RTN4RL1: variants seen among roughly 807,000 people sequenced by gnomAD.
The protein encoded by RTN4RL1 is reticulon 4 receptor like 1, also known as reticulon-4 receptor-like 1.
A neutral mutation model predicts 25.6 loss-of-function variants in RTN4RL1; 7 were observed. That is an observed-to-expected ratio of 0.27 (90% confidence interval 0.16 to 0.51). The LOEUF (loss-of-function observed/expected upper bound fraction) is 0.51, where lower values mean the gene tolerates loss of function less well. Ranked by LOEUF, RTN4RL1 falls within the 20% of genes least tolerant of loss-of-function variation. The pLI, the probability that RTN4RL1 is intolerant of heterozygous loss-of-function variation, is 0.97. For missense variants in RTN4RL1, 500 were observed against 615.6 expected, an observed-to-expected ratio of 0.81 and a Z score of 1.99; for synonymous variants, 297 against 288.2, an observed-to-expected ratio of 1.03 and a Z score of -0.31.
In RTN4RL1 at chr17:1,964,216, A is replaced by G. The variant is rs113770578; in HGVS notation, c.14-26408T>C. Among the ~76,000 whole-genome samples, 388 of 152,322 alleles carry G rather than the reference A, an allele frequency of 2.5e-3. 3 individuals carry two copies. The highest frequency in any genetic ancestry group is 8.8e-3 in the African/African-American group (365 of 41,568). On this transcript the variant is annotated intron_variant, in intron 1 of 1. Coordinates refer to ENST00000331238, the MANE Select transcript of RTN4RL1 (RefSeq NM_178568.4). ...AAAGACTTAGTAAGAAAAAGAATAA[A>G]AATACCTCATGAATAATTTTATATT...
intron 1 of RTN4RL1, among the ~76,000 whole-genome samples, chr17:1,966,143 G>A (rs1025232821): frequency 6.6e-6 from 1 of 152,160 alleles, no homozygotes; most frequent in Admixed American, 6.5e-5. Flanking sequence ...GGAGACAGAT[G>A]GAATTTTCCC....
At chr17:2,023,152 C>T (rs912727041) in intron 1 of RTN4RL1, among the ~76,000 whole-genome samples, 1 of 152,222 alleles carries the variant, frequency 6.6e-6, no homozygotes, top group African/African-American at 2.4e-5. Context: ...AGACCTGCAG[C>T]CCAGACATGG....
intron 1 of RTN4RL1, among the ~76,000 whole-genome samples, chr17:1,952,731 G>T (rs1915710149): frequency 6.6e-6 from 1 of 151,852 alleles, no homozygotes; most frequent in African/African-American, 2.4e-5. Flanking sequence ...AGGCAACCAT[G>T]TGCTCCTCTA....
At chr17:2,000,070 G>C (rs1422329173) in intron 1 of RTN4RL1, among the ~76,000 whole-genome samples, 1 of 152,282 alleles carries the variant, frequency 6.6e-6, no homozygotes, top group Non-Finnish European at 1.5e-5. Context: ...CACAGAGGGA[G>C]GGAAGCCTGC....
chr17:1,969,713 C>T (rs1394302912), intron 1 of RTN4RL1, among the ~76,000 whole-genome samples: 4 of 152,318 alleles, frequency 2.6e-5, no homozygotes, highest in African/African-American at 9.6e-5. Context: ...TAGCCTTTAC[C>T]GGTTCTCATT....
chr17:1,998,071 G>A lies in RTN4RL1; in HGVS notation c.13+26782C>T, dbSNP rs1024629100. ...TCCGCCCCAGGCCGCGATCGATCCC[G>A]GCCTCTCCCGGCCTCATTACCGAGG... On this transcript the variant is annotated intron_variant, in intron 1 of 1. Coordinates refer to ENST00000331238, the MANE Select transcript of RTN4RL1 (RefSeq NM_178568.4). The surrounding 1 kb of genome is among the most constrained non-coding windows in gnomAD (Gnocchi z 4.9). Among the ~76,000 whole-genome samples, 3 of 151,766 alleles carry A rather than the reference G, an allele frequency of 2.0e-5. No homozygotes were observed. The highest frequency in any genetic ancestry group is 4.8e-5 in the African/African-American group (2 of 41,348).
chr17:1,941,890 G>A (rs896257242), intron 1 of RTN4RL1, among the ~76,000 whole-genome samples: 3 of 152,196 alleles, frequency 2.0e-5, no homozygotes, highest in South Asian at 2.1e-4. Flanking sequence ...GGAGGCTGGC[G>A]CAGCTTTGCC....
At chr17:1,968,490 C>T (rs546930223) in intron 1 of RTN4RL1, among the ~76,000 whole-genome samples, 8 of 152,322 alleles carry the variant, frequency 5.3e-5, no homozygotes, top group African/African-American at 1.4e-4. Flanking sequence ...AACTCAGCTC[C>T]GATGGTGTCA....
chr17:1,991,401 T>A, intron 1 of RTN4RL1, among the ~76,000 whole-genome samples: 1 of 107,048 alleles, frequency 9.3e-6, no homozygotes, highest in African/African-American at 3.6e-5. Flanking sequence ...TTTTTGAACC[T>A]CCCCCAACTT....
intron 1 of RTN4RL1, among the ~76,000 whole-genome samples, chr17:1,995,967 C>T (rs934689080): frequency 1.3e-5 from 2 of 152,282 alleles, no homozygotes; most frequent in African/African-American, 4.8e-5. Context: ...TGCTGTTAGG[C>T]GGGTGGCGAT....
chr17:2,024,707 C>A, intron 1 of RTN4RL1, 146 bp downstream of exon 1: 1 of 681,516 alleles, frequency 1.5e-6, no homozygotes, highest in Admixed American at 3.1e-5. Context: ...CCAGCAGCAG[C>A]CCCTCGGCGG....
intron 1 of RTN4RL1, among the ~76,000 whole-genome samples, chr17:1,989,209 G>C (rs1177651698): frequency 6.6e-6 from 1 of 152,156 alleles, no homozygotes; most frequent in Non-Finnish European, 1.5e-5. Context: ...TAAAGGATGT[G>C]CAGGAGATGG....
chr17:1,969,949 G>C (rs973116427), intron 1 of RTN4RL1, among the ~76,000 whole-genome samples: 4 of 151,744 alleles, frequency 2.6e-5, no homozygotes, highest in African/African-American at 9.7e-5. Flanking sequence ...TTTGGGAACT[G>C]AGTTATGATG....
intron 1 of RTN4RL1, among the ~76,000 whole-genome samples, chr17:1,982,245 G>A (rs2066870211): frequency 6.6e-6 from 1 of 152,166 alleles, no homozygotes; most frequent in Non-Finnish European, 1.5e-5. Flanking sequence ...AGGTTGCAGT[G>A]AGCTGAGATC....
intron 1 of RTN4RL1, among the ~76,000 whole-genome samples, chr17:1,950,824 C>T (rs1195178680): frequency 1.7e-5 from 2 of 115,320 alleles, no homozygotes; most frequent in African/African-American, 6.9e-5. Context: ...CCAACCTGGG[C>T]GACAGAGTGA....
intron 1 of RTN4RL1, among the ~76,000 whole-genome samples, chr17:1,940,093 C>T (rs957808595): frequency 3.3e-5 from 5 of 152,220 alleles, no homozygotes; most frequent in African/African-American, 7.2e-5. Context: ...GTCACCCCCT[C>T]GTTCCTGGCA....
intron 1 of RTN4RL1, among the ~76,000 whole-genome samples, chr17:1,955,685 G>A (rs1409976859): frequency 2.6e-5 from 4 of 151,896 alleles, no homozygotes; most frequent in Non-Finnish European, 5.9e-5. Context: ...CCGGGTTCAA[G>A]CGATTCTCCC....
intron 1 of RTN4RL1, among the ~76,000 whole-genome samples, chr17:2,013,661 C>CTTGGGGTT (rs1567528205): frequency 1.4e-3 from 175 of 120,954 alleles, no homozygotes; most frequent in Middle Eastern, 4.1e-3. Context: ...CTCTCTCACC[C>CTTGGGGTT]TGGAACATAA....
chr17:1,941,471 G>A (rs1040322821), intron 1 of RTN4RL1, among the ~76,000 whole-genome samples: 4 of 152,034 alleles, frequency 2.6e-5, no homozygotes, highest in Non-Finnish European at 2.9e-5. Context: ...TCACATTCCC[G>A]GTCTCAAGGA....
Sources: gnomAD v4.1 joint callset for allele counts (sites outside exome capture counted in the v4.1 genomes callset) on GRCh38, gnomAD v4.1.1 for gene constraint, Gnocchi (gnomAD v3.1) non-coding constraint, MANE v1.5 for transcripts, NCBI Gene and HGNC (gene_info 2026-07-23, HGNC 2026-07-21) for gene names.